Variants in TULP4 observed in about 807,000 individuals in gnomAD.
The protein encoded by TULP4 is TUB like protein 4, also known as tubby-related protein 4.
Under a neutral mutation model 129.0 loss-of-function variants are expected in TULP4, and 16 were observed. That is an observed-to-expected ratio of 0.12 (90% CI 0.08 to 0.19). The LOEUF is 0.19. Among genes scored for constraint, TULP4 ranks in the 10% least tolerant of loss-of-function variants. The pLI is 1.00. For missense variants in TULP4, 1,842 were observed against 2,059.1 expected, an observed-to-expected ratio of 0.89 and a Z score of 2.04; for synonymous variants, 998 against 854.0, an observed-to-expected ratio of 1.17 and a Z score of -2.94.
chr6:158,506,918 C>A lies in TULP4; in HGVS notation c.*224C>A. Reference sequence around the variant, plus strand: ...CTGTTCTTCTTTTCTTCTTTCATTTCAGTGGCATTTGGAAGCAAAGAGTGC... The same window carrying A: ...CTGTTCTTCTTTTCTTCTTTCATTTAAGTGGCATTTGGAAGCAAAGAGTGC... On this transcript the variant is annotated 3_prime_UTR_variant, in exon 14 of 14. Coordinates refer to ENST00000367097, the MANE Select transcript of TULP4 (RefSeq NM_020245.5). 1 of 535,456 alleles carries A rather than the reference C, an allele frequency of 1.9e-6. No homozygotes were observed. The highest frequency in any genetic ancestry group is 2.1e-5 in the South Asian group (1 of 46,592). 33.2% of individuals were successfully genotyped at this position (535,456 alleles called of 1,614,324 possible). A position where few individuals can be genotyped will look rare whatever the true frequency, so the allele number is the denominator to read the frequency against.
At chr6:158,349,846 G>A (rs187875312) in intron 1 of TULP4, among the ~76,000 whole-genome samples, 13 of 127,290 alleles carry the variant, frequency 1.0e-4, no homozygotes, top group Middle Eastern at 6.5e-3. Flanking sequence ...GGGCAGAGGC[G>A]CTCCTCACCT....
intron 1 of TULP4, among the ~76,000 whole-genome samples, chr6:158,358,563 G>T (rs1780698788): frequency 6.6e-6 from 1 of 152,158 alleles, no homozygotes; most frequent in Non-Finnish European, 1.5e-5. Flanking sequence ...AAATGAATTT[G>T]TTAGTTCTTG....
chr6:158,358,616 C>G (rs1780700211), intron 1 of TULP4, among the ~76,000 whole-genome samples: 1 of 152,164 alleles, frequency 6.6e-6, no homozygotes, highest in African/African-American at 2.4e-5. Flanking sequence ...CATCCCACAT[C>G]TATTTAGCAT....
Position 158,490,802 on chromosome 6 carries a change from T to G in TULP4, c.1631+1070T>G, listed in dbSNP as rs1393975125. ...TTGTATCTGGCTCTTTTTTTTTTTTTGCTCAGTGTAATGATTTTGAGAGTC... is the reference window on the plus strand; with the variant it reads ...TTGTATCTGGCTCTTTTTTTTTTTTGGCTCAGTGTAATGATTTTGAGAGTC... On this transcript the variant is annotated intron_variant, in intron 9 of 13. Transcript: ENST00000367097. Among the ~76,000 whole-genome samples the G allele has an allele frequency of 2.0e-5, 3 of 152,050 alleles. No individual in the cohort carries two copies. In the East Asian group the frequency reaches 5.8e-4, roughly 29 times the overall value.
At chr6:158,260,088 C>CT (rs1431707211) in intron 1 of TULP4, among the ~76,000 whole-genome samples, 3 of 152,230 alleles carry the variant, frequency 2.0e-5, no homozygotes, top group African/African-American at 7.2e-5. Context: ...AATGGAAGTT[C>CT]TGGCCCTCTA....
At chr6:158,479,649 A>G in intron 6 of TULP4, 102 bp from the exon 7 acceptor site, 1 of 1,106,122 alleles carries the variant, frequency 9.0e-7, no homozygotes, top group Admixed American at 2.3e-5. Flanking sequence ...AGTATTCTCA[A>G]AACAGCTTAT....
chr6:158,430,284 A>C (rs921675083), intron 3 of TULP4, among the ~76,000 whole-genome samples: 1 of 151,652 alleles, frequency 6.6e-6, no homozygotes, highest in East Asian at 1.9e-4. Flanking sequence ...GCCCATCCAC[A>C]TGGTAAAAAG....
intron 1 of TULP4, among the ~76,000 whole-genome samples, chr6:158,274,743 C>T (rs1192428217): frequency 2.6e-5 from 4 of 152,204 alleles, no homozygotes; most frequent in Non-Finnish European, 4.4e-5. Flanking sequence ...CGCCCCTGCA[C>T]TCCAGCCTGG....
chr6:158,379,380 G>A (rs897681052), intron 1 of TULP4, among the ~76,000 whole-genome samples: 1 of 152,198 alleles, frequency 6.6e-6, no homozygotes, highest in Non-Finnish European at 1.5e-5. Flanking sequence ...AGCACTAAAC[G>A]CTAGAGTGCT....
intron 12 of TULP4, among the ~76,000 whole-genome samples, chr6:158,500,209 A>G (rs1198726962): frequency 6.6e-6 from 1 of 152,216 alleles, no homozygotes; most frequent in Non-Finnish European, 1.5e-5. Context: ...CAGGGATTAC[A>G]TTTAATGATG....
chr6:158,270,586 C>A (rs1778530194), intron 1 of TULP4, among the ~76,000 whole-genome samples: 1 of 152,192 alleles, frequency 6.6e-6, no homozygotes, highest in Non-Finnish European at 1.5e-5. Flanking sequence ...GCGTCTCTGG[C>A]CTGAGTGTTG....
At chr6:158,253,704 T>C (rs1778188543) in intron 1 of TULP4, among the ~76,000 whole-genome samples, 2 of 152,186 alleles carry the variant, frequency 1.3e-5, no homozygotes. Flanking sequence ...TAACATTTTC[T>C]GACCTACAGA....
chr6:158,442,794 G>C (rs1778929163), intron 3 of TULP4, among the ~76,000 whole-genome samples: 1 of 149,306 alleles, frequency 6.7e-6, no homozygotes, highest in Admixed American at 6.9e-5. Context: ...CCGTTCTGGA[G>C]ATACTCCAAT....
intron 6 of TULP4, among the ~76,000 whole-genome samples, chr6:158,475,320 G>C (rs916678763): frequency 5.9e-5 from 9 of 152,226 alleles, no homozygotes; most frequent in Non-Finnish European, 1.2e-4. Context: ...GGTTCTCCCT[G>C]TTCCACCAGA....
chr6:158,232,673 T>C (rs1777619658), intron 1 of TULP4, among the ~76,000 whole-genome samples: 2 of 152,064 alleles, frequency 1.3e-5, no homozygotes, highest in Non-Finnish European at 2.9e-5. Flanking sequence ...TTTTTTTTTC[T>C]TAATTGTGGA....
intron 1 of TULP4, among the ~76,000 whole-genome samples, chr6:158,369,015 G>A (rs1445915159): frequency 6.6e-6 from 1 of 152,112 alleles, no homozygotes; most frequent in Non-Finnish European, 1.5e-5. Context: ...CCACAGAAAT[G>A]TGCCAAATTT....
chr6:158,371,524 G>A (rs981942507), intron 1 of TULP4, among the ~76,000 whole-genome samples: 3 of 152,146 alleles, frequency 2.0e-5, no homozygotes, highest in Non-Finnish European at 4.4e-5. Context: ...ACTGCCTGTC[G>A]TATGGAAAGC....
chr6:158,365,126 G>A (rs971514962), intron 1 of TULP4, among the ~76,000 whole-genome samples: 13 of 151,652 alleles, frequency 8.6e-5, no homozygotes, highest in Admixed American at 3.3e-4. Context: ...CATTTTTAGC[G>A]TTAGTTCTAG....
At chr6:158,415,008 A>G (rs1778175828) in intron 2 of TULP4, among the ~76,000 whole-genome samples, 1 of 152,238 alleles carries the variant, frequency 6.6e-6, no homozygotes, top group Non-Finnish European at 1.5e-5. Flanking sequence ...CCACACTGTC[A>G]TGTTCCCAAA....
Sources: gnomAD v4.1 joint callset for allele counts (sites outside exome capture counted in the v4.1 genomes callset) on GRCh38, gnomAD v4.1.1 for gene constraint, MANE v1.5 for transcripts, NCBI Gene and HGNC (gene_info 2026-07-23, HGNC 2026-07-21) for gene names.